KIF1B: variants seen among roughly 807,000 people sequenced by gnomAD.
KIF1B encodes kinesin-like protein KIF1B.
In KIF1B, 76 loss-of-function variants were observed where a neutral mutation model predicts 241.9. That is an observed-to-expected ratio of 0.31 (90% confidence interval 0.26 to 0.38). KIF1B has a LOEUF of 0.38. Ranked by LOEUF, KIF1B falls within the 10% of genes least tolerant of loss-of-function variation. The pLI, the probability that KIF1B is intolerant of heterozygous loss-of-function variation, is 1.00. For missense variants in KIF1B, 1,622 were observed against 2,271.4 expected, an observed-to-expected ratio of 0.71 and a Z score of 5.81; for synonymous variants, 750 against 796.7, an observed-to-expected ratio of 0.94 and a Z score of 0.99.
intron 17 of KIF1B, chr1:10,292,357 G>A: frequency 2.1e-6 from 1 of 485,296 alleles, no homozygotes; most frequent in South Asian, 2.3e-5. Context: ...AAGGCAATAT[G>A]TAACCTTTGG....
chr1:10,333,954 C>T (rs1206577201), intron 27 of KIF1B, among the ~76,000 whole-genome samples: 4 of 151,800 alleles, frequency 2.6e-5, no homozygotes, highest in African/African-American at 9.7e-5. Context: ...AGATTGAGAC[C>T]AGCCTGGCCA....
chr1:10,243,685 G>A (rs191189998), intron 2 of KIF1B, among the ~76,000 whole-genome samples: 9 of 152,248 alleles, frequency 5.9e-5, no homozygotes, highest in Admixed American at 3.9e-4. Context: ...CCTTACTATT[G>A]GAGAGCATAT....
At position 10,282,300 on chromosome 1, in the gene KIF1B, TTCTCTTCTTTCTA is replaced by T; in HGVS notation, c.1223-17_1223-5del. The stretch of plus-strand genomic sequence containing the variant: ...TTCCCTTTTCCCTACTTTTCCTGCC[TTCTCTTCTTTCTA>T]TCTCCCAGATCTGAAAGATTTTCAG... On this transcript the variant is annotated splice_polypyrimidine_tract_variant and intron_variant, in intron 14 of 48. Coordinates refer to ENST00000676179, the MANE Select transcript of KIF1B (RefSeq NM_001365951.3). 1 of 1,595,168 alleles carries T rather than the reference TTCTCTTCTTTCTA, an allele frequency of 6.3e-7. No homozygotes were observed. Among genetic ancestry groups the T allele is most frequent in the Non-Finnish European group, 8.6e-7 (1 of 1,163,570 alleles).
chr1:10,337,992 G>A lies in KIF1B; in HGVS notation c.3422+459G>A, dbSNP rs983093488. ...CAACTGAAAAAAGCTAGTATGTAGG[G>A]AAGATGTGATACCTCTCATTTCTCA... On this transcript the variant is annotated intron_variant, in intron 31 of 48. Coordinates refer to ENST00000676179, the MANE Select transcript of KIF1B (RefSeq NM_001365951.3). This position sits in a 1 kb window ranked among gnomAD's most constrained non-coding sequence, Gnocchi z 4.0. 3.3e-5 allele frequency among the ~76,000 whole-genome samples: 5 copies of A among 152,284 alleles called. No individual in the cohort carries two copies. The highest frequency in any genetic ancestry group is 7.4e-5 in the Non-Finnish European group (5 of 68,026).
At chr1:10,301,492 C>T (rs1650538960) in intron 22 of KIF1B, among the ~76,000 whole-genome samples, 1 of 151,908 alleles carries the variant, frequency 6.6e-6, no homozygotes, top group Admixed American at 6.6e-5. Context: ...ATGGTGAAAC[C>T]CCATCTCTAC....
rs576762003 is a variant in KIF1B, at chr1:10,313,468, G to A, written c.2116-6575G>A. 2.2e-4 allele frequency among the ~76,000 whole-genome samples: 34 copies of A among 151,172 alleles called. 4 individuals are homozygous for A. Among genetic ancestry groups the A allele is most frequent in the African/African-American group, 7.9e-4 (32 of 40,738 alleles). ...ATAAGCTTAAAAACCGGGGTAGATA[G>A]GTAGGAGAGAACATTCTAGTAGAGA... is the stretch of plus-strand genomic sequence containing the variant. On this transcript the variant is annotated intron_variant, in intron 22 of 48. Coordinates refer to ENST00000676179, the MANE Select transcript of KIF1B (RefSeq NM_001365951.3).
Position 10,320,242 on chromosome 1 carries a change from A to G in KIF1B, c.2209+106A>G, listed in dbSNP as rs1651467579. 4 of 734,036 alleles carry G rather than the reference A, an allele frequency of 5.4e-6. No homozygotes were observed. The South Asian group carries it at 5.8e-5, about 11-fold the overall frequency. The allele number at this position is 734,036 out of a possible 1,614,324, so 45.5% of individuals were successfully genotyped here. On this transcript the variant is annotated intron_variant, in intron 23 of 48. Coordinates refer to ENST00000676179, the MANE Select transcript of KIF1B (RefSeq NM_001365951.3). The stretch of plus-strand genomic sequence containing the variant: ...AGCTGGATTCCTCTTAGTTGGCCCT[A>G]TCATTTATTGACATTTTACTGAGCC...
rs772632727 is a variant in KIF1B, at chr1:10,279,104, A to G, written c.1188A>G (p.Pro396=). The part of the protein sequence containing the change: ...QGLGDIIDID[P]LIDDYSGSGS... The stretch of plus-strand genomic sequence containing the variant: ...CCTCCTGCTTACCTTCAGTTGATCC[A>G]TTGATCGATGATTACTCTGGAAGTG... Residue 396 remains proline, a synonymous_variant, in exon 14 of 49, where the codon CCA becomes CCG. Transcript: ENST00000676179. 50 of 1,547,104 alleles carry G rather than the reference A, an allele frequency of 3.2e-5. No individual in the cohort carries two copies. The highest frequency in any genetic ancestry group is 3.8e-5 in the Non-Finnish European group (44 of 1,143,972).
intron 38 of KIF1B, among the ~76,000 whole-genome samples, chr1:10,360,483 G>A (rs907051516): frequency 1.2e-4 from 18 of 151,986 alleles, no homozygotes; most frequent in African/African-American, 4.8e-5. Flanking sequence ...TCAGGAGTTC[G>A]AGACCAGCCT....
intron 22 of KIF1B, among the ~76,000 whole-genome samples, chr1:10,319,057 G>A (rs1651415029): frequency 6.6e-6 from 1 of 150,896 alleles, no homozygotes; most frequent in Non-Finnish European, 1.5e-5. Flanking sequence ...AACGCATGGA[G>A]TAGATGGAAA....
At chr1:10,356,743 T>C (rs923519948) in intron 38 of KIF1B, among the ~76,000 whole-genome samples, 2 of 151,666 alleles carry the variant, frequency 1.3e-5, no homozygotes, top group African/African-American at 4.8e-5. Flanking sequence ...CTACTAAAAA[T>C]AGAAAAATTA....
chr1:10,359,331 C>A (rs1432867495), intron 38 of KIF1B, among the ~76,000 whole-genome samples: 1 of 151,518 alleles, frequency 6.6e-6, no homozygotes, highest in Non-Finnish European at 1.5e-5. Context: ...GAGCTGTGTT[C>A]TATCTGCGGA....
At chr1:10,250,641 A>G (rs1412908675) in intron 2 of KIF1B, among the ~76,000 whole-genome samples, 1 of 152,206 alleles carries the variant, frequency 6.6e-6, no homozygotes, top group Non-Finnish European at 1.5e-5. Flanking sequence ...CCTAGGCAAC[A>G]TGGCAAAGCC....
In KIF1B at chr1:10,347,839, G is replaced by A; in HGVS notation, c.3864+12G>A. On this transcript the variant is annotated intron_variant, in intron 36 of 48. Transcript: ENST00000676179. The stretch of plus-strand genomic sequence containing the variant: ...TTTTGCTTCATCAGGTACTAATGAG[G>A]GACCAAAACAGGCATCGGAGGGAAC... The A allele has an allele frequency of 6.2e-7, 1 of 1,606,502 alleles. No individual in the cohort carries two copies. The highest frequency in any genetic ancestry group is 8.5e-7 in the Non-Finnish European group (1 of 1,173,302).
In KIF1B at chr1:10,371,224, C is replaced by G. The variant is rs147311127; in HGVS notation, c.4908C>G (p.Pro1636=). ...CCCTCACTCCCTCCTCCACCTGTCC[C>G]TCTCTGGTAGACTCTAGGAGCAACT... ...SATLTPSSTC[P]SLVDSRSNSL... The change falls in exon 45 of 49, where the codon CCC becomes CCG. Residue 1636 remains proline, a synonymous_variant. Transcript: ENST00000676179. 1 of 1,614,106 alleles carries G rather than the reference C, an allele frequency of 6.2e-7. No individual in the cohort carries two copies. Among genetic ancestry groups the G allele is most frequent in the Non-Finnish European group, 8.5e-7 (1 of 1,179,956 alleles).
intron 22 of KIF1B, chr1:10,306,120 C>T (rs1650817146): frequency 9.6e-7 from 1 of 1,039,368 alleles, no homozygotes; most frequent in Non-Finnish European, 1.2e-6. Flanking sequence ...TAAGAAAATA[C>T]TTTCTTAATG....
At chr1:10,352,559 T>C (rs1451492190) in intron 37 of KIF1B, 72 bp from the exon 38 acceptor site, 5 of 1,334,354 alleles carry the variant, frequency 3.7e-6, no homozygotes, top group Non-Finnish European at 5.4e-6. Flanking sequence ...TAAAAGTCTC[T>C]TTTGGGCTTA....
intron 40 of KIF1B, among the ~76,000 whole-genome samples, chr1:10,362,484 AAAAAAAGAAAAG>A (rs1638449188): frequency 6.6e-6 from 1 of 151,512 alleles, no homozygotes; most frequent in Admixed American, 6.6e-5. Flanking sequence ...TCAAAATTTA[AAAAAAAGAAAAG>A]AAAAAGGAAA....
At chr1:10,212,890 GTATATATATATATATATA>G (rs201066671) in intron 1 of KIF1B, among the ~76,000 whole-genome samples, 47 of 109,496 alleles carry the variant, frequency 4.3e-4, no homozygotes, top group South Asian at 1.9e-3. Context: ...ATGCGTGTGT[GTATATATATATATATATA>G]TATATATATA....
Sources: gnomAD v4.1 joint callset for allele counts (sites outside exome capture counted in the v4.1 genomes callset) on GRCh38, gnomAD v4.1.1 for gene constraint, Gnocchi (gnomAD v3.1) non-coding constraint, MANE v1.5 for transcripts, NCBI Gene and HGNC (gene_info 2026-07-23, HGNC 2026-07-21) for gene names.